The following PDE4D variants were observed in gnomAD, a reference collection of about 807,000 sequenced individuals.
PDE4D encodes 3',5'-cyclic-AMP phosphodiesterase 4D.
In PDE4D, 24 loss-of-function variants were observed where a neutral mutation model predicts 87.4. The ratio of observed to expected loss-of-function variants is 0.27; its 90% CI spans 0.20 to 0.39. The LOEUF (loss-of-function observed/expected upper bound fraction) is 0.39, where lower values mean the gene tolerates loss of function less well. PDE4D is among the 10% of genes least tolerant of loss of function. PDE4D has a pLI of 1.00. For missense variants in PDE4D, 714 were observed against 1,041.0 expected, an observed-to-expected ratio of 0.69 and a Z score of 4.32; for synonymous variants, 384 against 383.2, an observed-to-expected ratio of 1.00 and a Z score of -0.02.
chr5:58,975,791 G>C lies in PDE4D; in HGVS notation c.1879C>G (p.Pro627Ala). 6.2e-7 allele frequency: 1 copy of C among 1,609,710 alleles called. No homozygotes were observed. Among genetic ancestry groups the C allele is most frequent in the South Asian group, 1.1e-5 (1 of 90,342 alleles). Residue 627 changes from proline (P) to alanine (A), a missense_variant, in exon 14 of 15, where the codon CCT becomes GCT. Transcript: ENST00000340635. The surrounding 1 kb of genome is among the most constrained non-coding windows in gnomAD (Gnocchi z 4.2). ...GTCCACTGGCGGTACAGCTGGAGAGGCTTTGTTGGGTTGCTCAGATCTGCA... is the reference window on the plus strand; with the variant it reads ...GTCCACTGGCGGTACAGCTGGAGAGCCTTTGTTGGGTTGCTCAGATCTGCA... ...HCADLSNPTK[P>A]LQLYRQWTDR... is the part of the protein sequence containing the mutation.
intron 1 of PDE4D, among the ~76,000 whole-genome samples, chr5:60,328,804 T>C (rs1757037289): frequency 6.6e-6 from 1 of 152,222 alleles, no homozygotes; most frequent in African/African-American, 2.4e-5. Flanking sequence ...GGCACTTGAA[T>C]AACAGCAGAT....
intron 11 of PDE4D, among the ~76,000 whole-genome samples, chr5:58,982,873 T>C (rs1286290060): frequency 1.3e-5 from 2 of 152,202 alleles, no homozygotes; most frequent in Non-Finnish European, 2.9e-5. Context: ...ACTTGGTTAT[T>C]AAAATCCTCC....
chr5:59,739,283 G>A (rs1758517369), intron 1 of PDE4D, among the ~76,000 whole-genome samples: 1 of 152,044 alleles, frequency 6.6e-6, no homozygotes. Flanking sequence ...AGCTGGGTGT[G>A]GTGGTGCACA....
chr5:59,193,555 C>A lies in PDE4D; in HGVS notation c.648-19G>T, dbSNP rs762216625. ...TCCGTGTCTGAAAAATAAACCAAATCCCGCATTAGAAATCATCAATAACTC... is the reference window on the plus strand; with the variant it reads ...TCCGTGTCTGAAAAATAAACCAAATACCGCATTAGAAATCATCAATAACTC... On this transcript the variant is annotated intron_variant, in intron 2 of 14. Transcript: ENST00000340635. 26 of 1,612,898 alleles carry A rather than the reference C, an allele frequency of 1.6e-5. No homozygotes were observed. Among genetic ancestry groups the A allele is most frequent in the Non-Finnish European group, 2.0e-5 (24 of 1,179,486 alleles).
intron 6 of PDE4D, among the ~76,000 whole-genome samples, chr5:59,027,988 T>C (rs1173099742): frequency 6.6e-6 from 1 of 152,096 alleles, no homozygotes; most frequent in Non-Finnish European, 1.5e-5. Flanking sequence ...TAATATACTT[T>C]TCTTAATATT....
At chr5:59,645,266 G>T (rs985792793) in intron 1 of PDE4D, among the ~76,000 whole-genome samples, 1 of 152,180 alleles carries the variant, frequency 6.6e-6, no homozygotes, top group Non-Finnish European at 1.5e-5. Flanking sequence ...AAGCTTCAGG[G>T]CCCCTCACTT....
chr5:60,009,770 CTT>C lies in PDE4D; in HGVS notation c.43-21055_43-21054del, dbSNP rs767292337. On this transcript the variant is annotated intron_variant, in intron 2 of 16. Coordinates refer to the PDE4D transcript ENST00000502484. ...CTTCGCTGTGGTTGGCTATCATAAA[CTT>C]ATATTCCTTTTAGGACAAGTAAAAC... 3.9e-5 allele frequency among the ~76,000 whole-genome samples: 6 copies of C among 152,212 alleles called. No individual in the cohort carries two copies. In the East Asian group the frequency reaches 9.6e-4, roughly 24 times the overall value.
At chr5:60,307,229 C>A (rs1352296034) in intron 1 of PDE4D, among the ~76,000 whole-genome samples, 1 of 152,014 alleles carries the variant, frequency 6.6e-6, no homozygotes, top group Admixed American at 6.6e-5. Flanking sequence ...CATGGTAATT[C>A]TTTTTCTTAA....
At chr5:59,781,761 G>A (rs534020776) in intron 1 of PDE4D, among the ~76,000 whole-genome samples, 2 of 134,576 alleles carry the variant, frequency 1.5e-5, no homozygotes, top group Admixed American at 8.3e-5. Flanking sequence ...CTCCAGCCTG[G>A]GCGACAGAGC....
At chr5:59,474,260 A>G (rs935196755) in intron 1 of PDE4D, among the ~76,000 whole-genome samples, 2 of 152,142 alleles carry the variant, frequency 1.3e-5, no homozygotes, top group African/African-American at 2.4e-5. Flanking sequence ...AAGTTCAGAT[A>G]TATTATATGA....
At position 59,941,419 on chromosome 5, in the gene PDE4D, C is replaced by T. The variant is rs761506839; in HGVS notation, c.272+47069G>A. Among the ~76,000 whole-genome samples, 160 of 152,182 alleles carry T rather than the reference C, an allele frequency of 1.1e-3. 1 individual carries two copies. Among genetic ancestry groups the T allele is most frequent in the Admixed American group, 3.7e-3 (56 of 15,282 alleles). On this transcript the variant is annotated intron_variant, in intron 3 of 16. Coordinates refer to the PDE4D transcript ENST00000502484. ...AGTTCGAAGTCAGGGCTCCTCCCAGCTGTGTTATTTCTCTGGTTCTCTCCT... is the reference window on the plus strand; with the variant it reads ...AGTTCGAAGTCAGGGCTCCTCCCAGTTGTGTTATTTCTCTGGTTCTCTCCT...
chr5:60,233,921 C>T (rs1439298819), intron 1 of PDE4D, among the ~76,000 whole-genome samples: 1 of 151,840 alleles, frequency 6.6e-6, no homozygotes, highest in Non-Finnish European at 1.5e-5. Context: ...ATAACTTCTA[C>T]ATACCATGCT....
intron 1 of PDE4D, among the ~76,000 whole-genome samples, chr5:59,240,779 A>AACACACAC (rs747637745): frequency 3.8e-5 from 3 of 78,056 alleles, no homozygotes; most frequent in Non-Finnish European, 7.7e-5. Flanking sequence ...AAAATTCACA[A>AACACACAC]ACACACACAC....
At chr5:59,421,989 T>C (rs926760304) in intron 1 of PDE4D, among the ~76,000 whole-genome samples, 3 of 152,048 alleles carry the variant, frequency 2.0e-5, no homozygotes, top group African/African-American at 7.2e-5. Context: ...TGATTGAACG[T>C]GGGAGGAAGC....
At chr5:59,144,898 G>A (rs867007267) in intron 5 of PDE4D, among the ~76,000 whole-genome samples, 2 of 143,406 alleles carry the variant, frequency 1.4e-5, no homozygotes, top group Non-Finnish European at 3.1e-5. Context: ...AATGGGGGGG[G>A]GGGGGGGAAC....
At chr5:60,382,014 T>C (rs990696886) in intron 1 of PDE4D, among the ~76,000 whole-genome samples, 4 of 152,196 alleles carry the variant, frequency 2.6e-5, no homozygotes, top group Non-Finnish European at 5.9e-5. Flanking sequence ...CTAGTTATAC[T>C]GTATACTTTT....
At chr5:59,384,911 G>C (rs1485922952) in intron 1 of PDE4D, among the ~76,000 whole-genome samples, 1 of 151,388 alleles carries the variant, frequency 6.6e-6, no homozygotes, top group Non-Finnish European at 1.5e-5. Context: ...AACAATCACT[G>C]TTTACATATT....
intron 2 of PDE4D, among the ~76,000 whole-genome samples, chr5:60,126,854 T>A (rs771664708): frequency 1.4e-4 from 21 of 152,202 alleles, no homozygotes; most frequent in Non-Finnish European, 4.4e-5. Context: ...GATGCAGTGA[T>A]GAGCAAATAG....
intron 12 of PDE4D, among the ~76,000 whole-genome samples, chr5:58,976,731 C>G (rs1440127289): frequency 6.6e-6 from 1 of 152,106 alleles, no homozygotes; most frequent in Non-Finnish European, 1.5e-5. Flanking sequence ...GTGACATCTC[C>G]ATGGATAAGA....
Sources: gnomAD v4.1 joint callset for allele counts (sites outside exome capture counted in the v4.1 genomes callset) on GRCh38, gnomAD v4.1.1 for gene constraint, Gnocchi (gnomAD v3.1) non-coding constraint, MANE v1.5 for transcripts, NCBI Gene and HGNC (gene_info 2026-07-23, HGNC 2026-07-21) for gene names.